The following MARCHF1 variants were observed in gnomAD, a reference collection of about 807,000 sequenced individuals.
The protein encoded by MARCHF1 is E3 ubiquitin-protein ligase MARCHF1.
In MARCHF1, 40 loss-of-function variants were observed where a neutral mutation model predicts 54.2. That is an observed-to-expected ratio of 0.74 (90% CI 0.57 to 0.96). The LOEUF (loss-of-function observed/expected upper bound fraction) is 0.96, where lower values mean the gene tolerates loss of function less well. Among genes scored for constraint, MARCHF1 ranks in the 40% least tolerant of loss-of-function variants. MARCHF1 has a pLI of 0.00. For synonymous variants in MARCHF1, 236 were observed against 236.3 expected, an observed-to-expected ratio of 1.00 and a Z score of 0.01; for missense variants, 586 against 656.5, an observed-to-expected ratio of 0.89 and a Z score of 1.17.
At chr4:163,846,687 G>T (rs1466894416) in intron 4 of MARCHF1, among the ~76,000 whole-genome samples, 1 of 151,974 alleles carries the variant, frequency 6.6e-6, no homozygotes. Context: ...AATGTATTTT[G>T]ATCACAGAAA....
At position 163,659,930 on chromosome 4, in the gene MARCHF1, T is replaced by C. The variant is rs181326959; in HGVS notation, c.162+40883A>G. On this transcript the variant is annotated intron_variant, in intron 5 of 9. Coordinates refer to ENST00000514618, the MANE Select transcript of MARCHF1 (RefSeq NM_001394959.1). ...AGCTGCTGGAGAGGATGTGGAGAAA[T>C]AGGAATGCTTTTACACTGTTAGTGG... 1.6e-4 allele frequency among the ~76,000 whole-genome samples: 24 copies of C among 152,114 alleles called. No homozygotes were observed. The East Asian group carries it at 4.7e-3, about 30-fold the overall frequency.
At chr4:163,805,257 G>A (rs1748193169) in intron 4 of MARCHF1, among the ~76,000 whole-genome samples, 2 of 151,888 alleles carry the variant, frequency 1.3e-5, no homozygotes, top group African/African-American at 4.8e-5. Context: ...TTAATTTACA[G>A]CTTAGTTATT....
chr4:163,677,264 C>T (rs1265655239), intron 5 of MARCHF1, among the ~76,000 whole-genome samples: 2 of 152,196 alleles, frequency 1.3e-5, no homozygotes, highest in Non-Finnish European at 2.9e-5. Context: ...TACGGAAATT[C>T]TATAGCTTCC....
chr4:163,744,121 C>T (rs1746288571), intron 4 of MARCHF1, among the ~76,000 whole-genome samples: 1 of 152,202 alleles, frequency 6.6e-6, no homozygotes, highest in Non-Finnish European at 1.5e-5. Context: ...TTCAAAGTGA[C>T]TGCATTCAAC....
chr4:164,295,787 G>A (rs568321973), intron 1 of MARCHF1, among the ~76,000 whole-genome samples: 1 of 152,188 alleles, frequency 6.6e-6, no homozygotes, highest in East Asian at 1.9e-4. Context: ...AAGAAGACCA[G>A]GTAAACTGCT....
At chr4:163,628,065 T>C (rs535174342) in intron 5 of MARCHF1, among the ~76,000 whole-genome samples, 1 of 152,176 alleles carries the variant, frequency 6.6e-6, no homozygotes, top group East Asian at 1.9e-4. Flanking sequence ...AATGATAAAA[T>C]AAACTGTTGA....
chr4:164,308,272 C>T lies in MARCHF1; in HGVS notation c.-323+75598G>A, dbSNP rs573205904. 7.2e-5 allele frequency among the ~76,000 whole-genome samples: 11 copies of T among 152,174 alleles called. No individual in the cohort carries two copies. In the South Asian group the frequency reaches 2.3e-3, roughly 32 times the overall value. On this transcript the variant is annotated intron_variant, in intron 1 of 9. Coordinates refer to ENST00000514618, the MANE Select transcript of MARCHF1 (RefSeq NM_001394959.1). ...AACCTAGCATTGAATGTGAGACATA[C>T]CAGCAAACATTACCTTAGAAATTAT...
intron 2 of MARCHF1, among the ~76,000 whole-genome samples, chr4:164,080,960 G>A (rs559824019): frequency 5.1e-4 from 77 of 151,408 alleles, no homozygotes; most frequent in African/African-American, 1.7e-3. Flanking sequence ...TGTAATCCCA[G>A]CACTTTGGGA....
intron 9 of MARCHF1, among the ~76,000 whole-genome samples, chr4:163,532,480 T>C (rs1379048982): frequency 6.6e-6 from 1 of 151,840 alleles, no homozygotes; most frequent in African/African-American, 2.4e-5. Context: ...CTATACAGCT[T>C]CTAAAAGATA....
chr4:163,902,427 T>G (rs1236425586), intron 3 of MARCHF1, among the ~76,000 whole-genome samples: 1 of 152,212 alleles, frequency 6.6e-6, no homozygotes, highest in African/African-American at 2.4e-5. Context: ...ATACGGCGAA[T>G]GGATCAACCT....
At chr4:164,125,782 A>C (rs1250160732) in intron 1 of MARCHF1, among the ~76,000 whole-genome samples, 1 of 152,216 alleles carries the variant, frequency 6.6e-6, no homozygotes, top group Admixed American at 6.6e-5. Flanking sequence ...CTGTCAGATC[A>C]GCAGGGCATT....
chr4:163,701,339 C>T (rs897046059), intron 4 of MARCHF1, among the ~76,000 whole-genome samples: 1 of 152,044 alleles, frequency 6.6e-6, no homozygotes, highest in Non-Finnish European at 1.5e-5. Flanking sequence ...TGTTATTTTA[C>T]ATACTCTGAA....
At chr4:163,883,842 G>A (rs1230004872) in intron 3 of MARCHF1, among the ~76,000 whole-genome samples, 6 of 152,192 alleles carry the variant, frequency 3.9e-5, no homozygotes, top group East Asian at 1.9e-4. Context: ...CTTTGAGCCC[G>A]TTTCTTGCCC....
chr4:164,176,964 C>A (rs1411483910), intron 1 of MARCHF1, among the ~76,000 whole-genome samples: 1,835 of 47,394 alleles, frequency 0.039, 152 homozygotes, highest in Non-Finnish European at 0.056. Context: ...CTCTCTCTCT[C>A]TCTCTCTCTC....
At chr4:163,793,234 T>A (rs143263760) in intron 4 of MARCHF1, among the ~76,000 whole-genome samples, 1 of 152,328 alleles carries the variant, frequency 6.6e-6, no homozygotes, top group African/African-American at 2.4e-5. Context: ...ATCATCCTAC[T>A]ATTCTCTCTA....
intron 1 of MARCHF1, among the ~76,000 whole-genome samples, chr4:164,346,629 T>C (rs1384367246): frequency 2.4e-4 from 3 of 12,322 alleles, no homozygotes; most frequent in African/African-American, 9.1e-4. Flanking sequence ...TATATATATA[T>C]ATATATATAT....
chr4:163,611,038 G>T (rs1110938), intron 7 of MARCHF1, among the ~76,000 whole-genome samples: 139,536 of 152,100 alleles, frequency 0.92, 64,113 homozygotes, highest in African/African-American at 0.97. Flanking sequence ...CACAATAGGT[G>T]AAGCTTCCTT....
intron 9 of MARCHF1, among the ~76,000 whole-genome samples, chr4:163,542,708 C>A (rs1263317533): frequency 6.6e-6 from 1 of 152,168 alleles, no homozygotes; most frequent in Non-Finnish European, 1.5e-5. Flanking sequence ...CTGGCCTCCA[C>A]CATCAGGGTT....
intron 1 of MARCHF1, among the ~76,000 whole-genome samples, chr4:164,112,518 G>C (rs962220116): frequency 1.3e-5 from 2 of 151,850 alleles, no homozygotes; most frequent in African/African-American, 4.8e-5. Flanking sequence ...GTATACAGTA[G>C]CACTGTAGTT....
Sources: allele counts gnomAD v4.1 joint callset (sites outside exome capture counted in the v4.1 genomes callset), GRCh38; gene constraint gnomAD v4.1.1; transcripts MANE v1.5; gene names NCBI Gene and HGNC (gene_info 2026-07-23, HGNC 2026-07-21).